DKK1: variants seen among roughly 807,000 people sequenced by gnomAD.
The protein encoded by DKK1 is dickkopf Wnt signaling pathway inhibitor 1.
A neutral mutation model predicts 26.0 loss-of-function variants in DKK1; 18 were observed. That is an observed-to-expected ratio of 0.69 (90% CI 0.48 to 1.03). The LOEUF (loss-of-function observed/expected upper bound fraction) is 1.03. Ranked by LOEUF, DKK1 falls within the 50% of genes least tolerant of loss-of-function variation. DKK1 has a pLI of 0.00. For missense variants in DKK1, 335 were observed against 348.5 expected, an observed-to-expected ratio of 0.96 and a Z score of 0.31; for synonymous variants, 130 against 132.6, an observed-to-expected ratio of 0.98 and a Z score of 0.13.
At position 52,314,332 on chromosome 10, in the gene DKK1, C is replaced by T. The variant is rs1589774141; in HGVS notation, c.-103C>T. ...GGACTCTGGGACCGCAGGGGGCTCC[C>T]GGACCCTGACTCTGCAGCCGAACCG... On this transcript the variant is annotated 5_prime_UTR_variant, in exon 1 of 4. Transcript: ENST00000373970. The surrounding 1 kb of genome is among the most constrained non-coding windows in gnomAD (Gnocchi z 5.7). 1.3e-6 allele frequency: 2 copies of T among 1,539,028 alleles called. No individual in the cohort carries two copies. Among genetic ancestry groups the T allele is most frequent in the African/African-American group, 1.4e-5 (1 of 73,272 alleles).
intron 2 of DKK1, 95 bp from the exon 3 acceptor site, chr10:52,316,200 C>T: frequency 6.9e-7 from 1 of 1,459,198 alleles, no homozygotes. Context: ...TGAAGTATCT[C>T]AAGTTGATGC....
rs79759877 is a variant in DKK1, at chr10:52,317,562, G to C, written c.*755G>C. ...CTAGAATAACTTTAAAGAAAGACGT[G>C]TTCTGCATTGATAAACTCAAATGAT... On this transcript the variant is annotated 3_prime_UTR_variant, in exon 4 of 4. Coordinates refer to ENST00000373970, the MANE Select transcript of DKK1 (RefSeq NM_012242.4). 6.6e-6 allele frequency: 1 copy of C among 152,150 alleles called. No individual in the cohort carries two copies. Among genetic ancestry groups the C allele is most frequent in the Non-Finnish European group, 1.5e-5 (1 of 68,022 alleles). The allele number at this position is 152,150 out of a possible 1,614,324, so 9.4% of individuals were successfully genotyped here.
In DKK1 at chr10:52,316,535, A is replaced by G. The variant is rs753230076; in HGVS notation, c.548-19A>G. 1.3e-5 allele frequency: 21 copies of G among 1,611,730 alleles called. No individual in the cohort carries two copies. Among genetic ancestry groups the G allele is most frequent in the South Asian group, 2.2e-5 (2 of 90,646 alleles). The stretch of plus-strand genomic sequence containing the variant: ...AACAGTAACTATGTACTTTTTTCCT[A>G]CTGTCTTCTCCTTCGTAGGACAAGA... On this transcript the variant is annotated intron_variant, in intron 3 of 3. Transcript: ENST00000373970.
intron 2 of DKK1, among the ~76,000 whole-genome samples, chr10:52,315,886 A>ATTGCAT (rs1163679694): frequency 6.6e-6 from 1 of 152,242 alleles, no homozygotes; most frequent in Non-Finnish European, 1.5e-5. Flanking sequence ...GGCAGCTGGA[A>ATTGCAT]TTGCATTTGC....
intron 2 of DKK1, chr10:52,315,333 A>G (rs1199142104): frequency 1.1e-5 from 4 of 377,598 alleles, no homozygotes; most frequent in Admixed American, 4.4e-5. Context: ...GTGTCCCTCA[A>G]TGATTCAATA....
chr10:52,316,336 A>G lies in DKK1; in HGVS notation c.448A>G (p.Ile150Val). Reference sequence around the variant, plus strand: ...TGATCAAAATCATTTCCGAGGAGAAATTGAGGAAACCATCACTGAAAGCTT... The same window carrying G: ...TGATCAAAATCATTTCCGAGGAGAAGTTGAGGAAACCATCACTGAAAGCTT... The part of the protein sequence containing the change: ...SSDQNHFRGE[I>V]EETITESFGN... Residue 150 changes from isoleucine to valine, a missense_variant, in exon 3 of 4, where the codon ATT becomes GTT. Ile to Val is a conservative substitution (Grantham distance 29). Coordinates refer to ENST00000373970, the MANE Select transcript of DKK1 (RefSeq NM_012242.4). 1 of 1,614,142 alleles carries G rather than the reference A, an allele frequency of 6.2e-7. No individual in the cohort carries two copies. The highest frequency in any genetic ancestry group is 8.5e-7 in the Non-Finnish European group (1 of 1,180,016).
At position 52,314,640 on chromosome 10, in the gene DKK1, C is replaced by G. The variant is rs1346078345; in HGVS notation, c.206C>G (p.Pro69Arg). ...AGCGCCGCGCCGGGAATCCTGTACC[C>G]GGGCGGGAATAAGTACCAGACCATT... is the stretch of plus-strand genomic sequence containing the variant. ...AVSAAPGILY[P>R]GGNKYQTIDN... The change falls in exon 1 of 4, where the codon CCG becomes CGG. Residue 69 changes from proline (P) to arginine (R), a missense_variant. By Grantham distance (103) the Pro-to-Arg change is moderately radical (BLOSUM62 -2). Coordinates refer to ENST00000373970, the MANE Select transcript of DKK1 (RefSeq NM_012242.4). This position sits in a 1 kb window ranked among gnomAD's most constrained non-coding sequence, Gnocchi z 5.7. 1.2e-6 allele frequency: 2 copies of G among 1,613,250 alleles called. No individual in the cohort carries two copies. The highest frequency in any genetic ancestry group is 8.5e-7 in the Non-Finnish European group (1 of 1,179,976).
In DKK1 at chr10:52,317,476, A is replaced by C. The variant is rs772807402; in HGVS notation, c.*669A>C. On this transcript the variant is annotated 3_prime_UTR_variant, in exon 4 of 4. Coordinates refer to ENST00000373970, the MANE Select transcript of DKK1 (RefSeq NM_012242.4). ...TGTGTTCTACAAGAACGGAAGTGTG[A>C]TATGTTTAAAGATGATCAGAGAAAA... 1 of 152,344 alleles carries C rather than the reference A, an allele frequency of 6.6e-6. No individual in the cohort carries two copies. Among genetic ancestry groups the C allele is most frequent in the Non-Finnish European group, 1.5e-5 (1 of 68,196 alleles). 9.4% of individuals were successfully genotyped at this position (152,344 alleles called of 1,614,324 possible). A position where few individuals can be genotyped will look rare whatever the true frequency, so the allele number is the denominator to read the frequency against.
chr10:52,317,068 A>C lies in DKK1; in HGVS notation c.*261A>C. ...AATGAAACTTTTAATTATTTTTCTA[A>C]AGGTGCTGCACTGCCTATTTTTCCT... On this transcript the variant is annotated 3_prime_UTR_variant, in exon 4 of 4. Transcript: ENST00000373970. 4.5e-6 allele frequency: 2 copies of C among 447,560 alleles called. No individual in the cohort carries two copies. The highest frequency in any genetic ancestry group is 8.0e-6 in the Non-Finnish European group (2 of 250,432). The allele number at this position is 447,560 out of a possible 1,614,324, so 27.7% of individuals were successfully genotyped here.
In DKK1 at chr10:52,316,879, A is replaced by G; in HGVS notation, c.*72A>G. Reference sequence around the variant, plus strand: ...TGAAAACCTTTTATGACCTTCATCAACTCAATCCTAAGGATATACAAGTTC... The same window carrying G: ...TGAAAACCTTTTATGACCTTCATCAGCTCAATCCTAAGGATATACAAGTTC... On this transcript the variant is annotated 3_prime_UTR_variant, in exon 4 of 4. Coordinates refer to ENST00000373970, the MANE Select transcript of DKK1 (RefSeq NM_012242.4). 1 of 1,524,434 alleles carries G rather than the reference A, an allele frequency of 6.6e-7. No individual in the cohort carries two copies. The highest frequency in any genetic ancestry group is 1.8e-4 in the Middle Eastern group (1 of 5,688). The allele number at this position is 1,524,434 out of a possible 1,614,324, so 94.4% of individuals were successfully genotyped here.
At position 52,314,747 on chromosome 10, in the gene DKK1, A is replaced by G; in HGVS notation, c.243+70A>G. ...GTCCTATCTGGAGACGAGGGAGTAG[A>G]ACGTGCTGAATGTGTGCGGTTCAGG... is the stretch of plus-strand genomic sequence containing the variant. On this transcript the variant is annotated intron_variant, in intron 1 of 3. Transcript: ENST00000373970. The surrounding 1 kb of genome is among the most constrained non-coding windows in gnomAD (Gnocchi z 5.7). 6.3e-7 allele frequency: 1 copy of G among 1,578,626 alleles called. No homozygotes were observed. The highest frequency in any genetic ancestry group is 1.2e-5 in the South Asian group (1 of 85,148).
intron 2 of DKK1, chr10:52,315,288 A>C: frequency 2.1e-6 from 1 of 467,290 alleles, no homozygotes; most frequent in Non-Finnish European, 3.5e-6. Flanking sequence ...AAGAAGAGAG[A>C]AGTTGGGAGG....
In DKK1 at chr10:52,316,375, A is replaced by T; in HGVS notation, c.487A>T (p.Ser163Cys). 6.2e-7 allele frequency: 1 copy of T among 1,614,210 alleles called. No individual in the cohort carries two copies. Among genetic ancestry groups the T allele is most frequent in the Non-Finnish European group, 8.5e-7 (1 of 1,180,032 alleles). Residue 163 changes from serine (S) to cysteine (C), a missense_variant, in exon 3 of 4, where the codon AGC becomes TGC. Physicochemically the swap from Ser to Cys is moderately radical, Grantham distance 112 (BLOSUM62 -1). Transcript: ENST00000373970. ...TITESFGNDH[S>C]TLDGYSRRTT... ...CACTGAAAGCTTTGGTAATGATCAT[A>T]GCACCTTGGATGGGTATTCCAGAAG...
Position 52,314,632 on chromosome 10 carries a change from C to T in DKK1, c.198C>T (p.Ile66=), listed in dbSNP as rs2132486109. 6.2e-7 allele frequency: 1 copy of T among 1,613,282 alleles called. No individual in the cohort carries two copies. Among genetic ancestry groups the T allele is most frequent in the South Asian group, 1.1e-5 (1 of 91,046 alleles). The change falls in exon 1 of 4, where the codon ATC becomes ATT. Residue 66 remains isoleucine (I), a synonymous_variant. Transcript: ENST00000373970. This position sits in a 1 kb window ranked among gnomAD's most constrained non-coding sequence, Gnocchi z 5.7. ...CTGCAGTCAGCGCCGCGCCGGGAAT[C>T]CTGTACCCGGGCGGGAATAAGTACC... ...PGSAVSAAPG[I]LYPGGNKYQT...
At chr10:52,316,206 G>T in intron 2 of DKK1, 89 bp from the exon 3 acceptor site, 1 of 1,487,644 alleles carries the variant, frequency 6.7e-7, no homozygotes, top group Non-Finnish European at 9.1e-7. Context: ...ATCTCAAGTT[G>T]ATGCTGGCAT....
rs1349024006 is a variant in DKK1, at chr10:52,316,404, C to A, written c.516C>A (p.Thr172=). 9 of 1,613,950 alleles carry A rather than the reference C, an allele frequency of 5.6e-6. No individual in the cohort carries two copies. The East Asian group carries it at 6.7e-5, about 12-fold the overall frequency. Residue 172 remains threonine, a synonymous_variant, in exon 3 of 4, where the codon ACC becomes ACA. Coordinates refer to ENST00000373970, the MANE Select transcript of DKK1 (RefSeq NM_012242.4). Reference sequence around the variant, plus strand: ...CCTTGGATGGGTATTCCAGAAGAACCACCTTGTCTTCAAAAATGTATCACA... The same window carrying A: ...CCTTGGATGGGTATTCCAGAAGAACAACCTTGTCTTCAAAAATGTATCACA... ...HSTLDGYSRR[T]TLSSKMYHTK...
rs1842599619 is a variant in DKK1, at chr10:52,314,771, G to GGGAGCATTTGGTAAC, written c.243+95_243+109dup. 1 of 1,542,860 alleles carries GGGAGCATTTGGTAAC rather than the reference G, an allele frequency of 6.5e-7. No homozygotes were observed. The highest frequency in any genetic ancestry group is 8.7e-7 in the Non-Finnish European group (1 of 1,143,662). On this transcript the variant is annotated intron_variant, in intron 1 of 3. Transcript: ENST00000373970. The surrounding 1 kb of genome is among the most constrained non-coding windows in gnomAD (Gnocchi z 5.7). ...GAACGTGCTGAATGTGTGCGGTTCA[G>GGGAGCATTTGGTAAC]GGAGCATTTGGTAACCCTGCATTTG...
chr10:52,314,861 T>C lies in DKK1; in HGVS notation c.244-62T>C, dbSNP rs548841178. On this transcript the variant is annotated intron_variant, in intron 1 of 3. Coordinates refer to ENST00000373970, the MANE Select transcript of DKK1 (RefSeq NM_012242.4). The surrounding 1 kb of genome is among the most constrained non-coding windows in gnomAD (Gnocchi z 5.7). ...ATAAGGACTGTGATCAGCGCCCGGG[T>C]CCAAGAGGGCGGGTACCTGGACGTC... The C allele has an allele frequency of 3.4e-3, 4,984 of 1,459,752 alleles. 7 individuals are homozygous for C. The highest frequency in any genetic ancestry group is 3.7e-3 in the Non-Finnish European group (4,076 of 1,101,472). The allele number at this position is 1,459,752 out of a possible 1,614,324, so 90.4% of individuals were successfully genotyped here. A position where few individuals can be genotyped will look rare whatever the true frequency, so the allele number is the denominator to read the frequency against.
Position 52,314,789 on chromosome 10 carries a change from T to G in DKK1, c.243+112T>G, listed in dbSNP as rs755249211. 3.4e-5 allele frequency: 52 copies of G among 1,516,970 alleles called. 1 individual carries two copies. The South Asian group carries it at 6.7e-4, about 19-fold the overall frequency. The allele number at this position is 1,516,970 out of a possible 1,614,324, so 94.0% of individuals were successfully genotyped here. ...CGGTTCAGGGAGCATTTGGTAACCC[T>G]GCATTTGGGAGCAGTGGGCAGTAAC... On this transcript the variant is annotated intron_variant, in intron 1 of 3. Transcript: ENST00000373970. This position sits in a 1 kb window ranked among gnomAD's most constrained non-coding sequence, Gnocchi z 5.7.
Sources: gnomAD v4.1 joint callset for allele counts (sites outside exome capture counted in the v4.1 genomes callset) on GRCh38, gnomAD v4.1.1 for gene constraint, Gnocchi (gnomAD v3.1) non-coding constraint, MANE v1.5 for transcripts, NCBI Gene and HGNC (gene_info 2026-07-23, HGNC 2026-07-21) for gene names.